The following HIBCH variants were observed in gnomAD, a reference collection of about 807,000 sequenced individuals.
The protein encoded by HIBCH is 3-hydroxyisobutyryl-CoA hydrolase, also known as 3-hydroxyisobutyryl-CoA hydrolase, mitochondrial.
HIBCH carries 50 observed loss-of-function variants against 58.2 expected under a neutral mutation model. The observed-to-expected ratio is 0.86, with a 90% CI of 0.68 to 1.09. The LOEUF is 1.09. HIBCH is among the 50% of genes least tolerant of loss of function. The probability of loss-of-function intolerance (pLI) is 0.00; values close to 1 mark genes in which losing one functional copy is unlikely to be tolerated. For synonymous variants in HIBCH, 151 were observed against 146.9 expected, an observed-to-expected ratio of 1.03 and a Z score of -0.20; for missense variants, 450 against 449.7, an observed-to-expected ratio of 1.00 and a Z score of -0.01.
At chr2:190,218,653 A>G (rs1685632139) in intron 11 of HIBCH, among the ~76,000 whole-genome samples, 1 of 152,230 alleles carries the variant, frequency 6.6e-6, no homozygotes, top group South Asian at 2.1e-4. Flanking sequence ...AGCTCTTAAT[A>G]GAAGCAACAG....
intron 1 of HIBCH, among the ~76,000 whole-genome samples, chr2:190,191,587 T>C (rs1283362506): frequency 1.3e-5 from 2 of 152,214 alleles, no homozygotes; most frequent in South Asian, 4.1e-4. Context: ...CATTTTGCAT[T>C]CCCACCAGCA....
At position 190,218,122 on chromosome 2, in the gene HIBCH, A is replaced by G. The variant is rs140993152; in HGVS notation, c.892-5047T>C. ...CAAACTATAAAATTTAATGCCTGCC[A>G]AGTCTTACCTTGTGGGAATTTACGG... On this transcript the variant is annotated intron_variant, in intron 11 of 13. Transcript: ENST00000359678. Among the ~76,000 whole-genome samples the G allele has an allele frequency of 5.0e-3, 740 of 146,844 alleles. 4 individuals carry two copies. The highest frequency in any genetic ancestry group is 0.01 in the Middle Eastern group (3 of 290).
chr2:190,294,602 A>G lies in HIBCH; in HGVS notation c.248T>C (p.Leu83Pro). 6.2e-7 allele frequency: 1 copy of G among 1,612,686 alleles called. No individual in the cohort carries two copies. Among genetic ancestry groups the G allele is most frequent in the Non-Finnish European group, 8.5e-7 (1 of 1,179,548 alleles). Residue 83 changes from leucine (L) to proline (P), a missense_variant, in exon 4 of 14, where the codon CTG (leucine) becomes CCG (proline). Leu to Pro is a moderately conservative substitution (Grantham distance 98). Transcript: ENST00000359678. ...TCCTCCTGCTCCCTTTATAATGATC[A>G]GGAAAGTTTCAGGATCTTGTTCCCA... Reference protein sequence around the residue: ...KKWEQDPETFLIIIKGAGGKA... With the variant: ...KKWEQDPETFPIIIKGAGGKA...
chr2:190,227,620 C>A (rs1231254858), intron 11 of HIBCH, among the ~76,000 whole-genome samples: 1 of 152,068 alleles, frequency 6.6e-6, no homozygotes, highest in Non-Finnish European at 1.5e-5. Context: ...AACAGGCAAC[C>A]TACAGAATGG....
At position 190,217,468 on chromosome 2, in the gene HIBCH, A is replaced by G. The variant is rs6751238; in HGVS notation, c.892-4393T>C. Among the ~76,000 whole-genome samples, 47,804 of 152,016 alleles carry G rather than the reference A, an allele frequency of 0.31. 8,693 individuals are homozygous for G. The highest frequency in any genetic ancestry group is 0.48 in the African/African-American group (19,824 of 41,434). On this transcript the variant is annotated intron_variant, in intron 11 of 13. Coordinates refer to ENST00000359678, the MANE Select transcript of HIBCH (RefSeq NM_014362.4). This position sits in a 1 kb window ranked among gnomAD's most constrained non-coding sequence, Gnocchi z 4.6. Reference sequence around the variant, plus strand: ...ACTGCACTCCAGCCTGGGCGACAGAACGAGATTCTGTCTTAAAACAAAAAA... The same window carrying G: ...ACTGCACTCCAGCCTGGGCGACAGAGCGAGATTCTGTCTTAAAACAAAAAA...
intron 1 of HIBCH, among the ~76,000 whole-genome samples, chr2:190,319,263 A>G (rs1688784978): frequency 6.6e-6 from 1 of 152,194 alleles, no homozygotes; most frequent in Non-Finnish European, 1.5e-5. Context: ...AAATGCCTAT[A>G]CTGACGCTGC....
At chr2:190,300,006 T>C (rs1688219377) in intron 2 of HIBCH, among the ~76,000 whole-genome samples, 9 of 152,234 alleles carry the variant, frequency 5.9e-5, no homozygotes. Context: ...TCTTCTTCTT[T>C]TTTATGGCTG....
chr2:190,228,976 C>A (rs1232271025), intron 11 of HIBCH, among the ~76,000 whole-genome samples: 4 of 152,082 alleles, frequency 2.6e-5, no homozygotes, highest in Non-Finnish European at 5.9e-5. Context: ...CTTCTTTTGA[C>A]AAGTTTTATC....
chr2:190,267,217 T>C (rs1256786459), intron 6 of HIBCH, among the ~76,000 whole-genome samples: 4 of 152,100 alleles, frequency 2.6e-5, no homozygotes, highest in Admixed American at 6.5e-5. Context: ...TTGTTTTGTT[T>C]CATTTTTTGG....
chr2:190,285,418 C>T (rs917351630), intron 6 of HIBCH, among the ~76,000 whole-genome samples: 6 of 152,218 alleles, frequency 3.9e-5, no homozygotes, highest in African/African-American at 1.4e-4. Flanking sequence ...TTTCAGAGAG[C>T]TTTCCTTTTC....
chr2:190,193,768 T>A (rs2105878676), intron 1 of HIBCH, among the ~76,000 whole-genome samples: 1 of 152,300 alleles, frequency 6.6e-6, no homozygotes, highest in Non-Finnish European at 1.5e-5. Flanking sequence ...GAACCAGCAT[T>A]CATTCTGTTG....
chr2:190,234,930 AG>A (rs2105923737), intron 11 of HIBCH, among the ~76,000 whole-genome samples: 1 of 152,308 alleles, frequency 6.6e-6, no homozygotes, highest in East Asian at 1.9e-4. Flanking sequence ...AGGGCACACA[AG>A]TAAGACATCT....
At chr2:190,260,842 T>C (rs1234431772) in intron 7 of HIBCH, among the ~76,000 whole-genome samples, 4 of 152,170 alleles carry the variant, frequency 2.6e-5, no homozygotes, top group African/African-American at 9.7e-5. Flanking sequence ...TATGATAGTT[T>C]TGATCACAAC....
At chr2:190,242,079 C>G (rs543691374) in intron 11 of HIBCH, among the ~76,000 whole-genome samples, 3 of 152,082 alleles carry the variant, frequency 2.0e-5, no homozygotes, top group Admixed American at 6.6e-5. Context: ...TCCATTCTCC[C>G]GTCACTTTCA....
In HIBCH at chr2:190,300,709, C is replaced by T. The variant is rs1688236208; in HGVS notation, c.79-3756G>A. On this transcript the variant is annotated intron_variant, in intron 2 of 13. Coordinates refer to ENST00000359678, the MANE Select transcript of HIBCH (RefSeq NM_014362.4). ...TTGTTGCAATTGTTTTTGGCGTCTT[C>T]GTCATGAAATCTTTGCCCGTTCTTA... Among the ~76,000 whole-genome samples, 4 of 152,070 alleles carry T rather than the reference C, an allele frequency of 2.6e-5. No individual in the cohort carries two copies. In the South Asian group the frequency reaches 6.2e-4, roughly 24 times the overall value.
chr2:190,190,739 G>A (rs1380341045), intron 1 of HIBCH, among the ~76,000 whole-genome samples: 1 of 152,122 alleles, frequency 6.6e-6, no homozygotes, highest in Admixed American at 6.5e-5. Flanking sequence ...CAATCTTAGT[G>A]TGGGTAATTA....
intron 9 of HIBCH, among the ~76,000 whole-genome samples, chr2:190,248,290 G>A (rs888211117): frequency 1.3e-5 from 2 of 152,146 alleles, no homozygotes; most frequent in African/African-American, 4.8e-5. Context: ...AGATGATCAG[G>A]CAAGATGTGT....
rs1193931806 is a variant in HIBCH, at chr2:190,281,529, C to T, written c.438+6057G>A. On this transcript the variant is annotated intron_variant, in intron 6 of 13. Transcript: ENST00000359678. This position sits in a 1 kb window ranked among gnomAD's most constrained non-coding sequence, Gnocchi z 5.4. The stretch of plus-strand genomic sequence containing the variant: ...ATGAGAAAGGGAGGCTCAAAGGTCT[C>T]GGAAATGCCTTGAGGGTCTTTCTCC... Among the ~76,000 whole-genome samples, 2 of 152,164 alleles carry T rather than the reference C, an allele frequency of 1.3e-5. No individual in the cohort carries two copies. Among genetic ancestry groups the T allele is most frequent in the African/African-American group, 2.4e-5 (1 of 41,426 alleles).
chr2:190,212,869 T>C, intron 12 of HIBCH, 87 bp downstream of exon 12: 1 of 1,199,956 alleles, frequency 8.3e-7, no homozygotes, highest in South Asian at 1.3e-5. Context: ...AATTTTCTTG[T>C]TTGCACTTAG....
Sources: allele counts gnomAD v4.1 joint callset (sites outside exome capture counted in the v4.1 genomes callset), GRCh38; gene constraint gnomAD v4.1.1; non-coding constraint Gnocchi (gnomAD v3.1); transcripts MANE v1.5; gene names NCBI Gene and HGNC (gene_info 2026-07-23, HGNC 2026-07-21).